Variants in MACROD2 observed in about 807,000 individuals in gnomAD.
MACROD2 encodes the protein ADP-ribose glycohydrolase MACROD2.
In MACROD2, 36 loss-of-function variants were observed where a neutral mutation model predicts 70.4. The observed-to-expected ratio is 0.51, with a 90% confidence interval of 0.39 to 0.68. MACROD2 has a LOEUF of 0.68. MACROD2 is among the 30% of genes least tolerant of loss of function. The pLI, the probability that MACROD2 is intolerant of heterozygous loss-of-function variation, is 0.00. For missense variants in MACROD2, 496 were observed against 538.4 expected (o/e 0.92, Z 0.78); for synonymous variants, 172 against 178.8 (o/e 0.96, Z 0.30).
intron 3 of MACROD2, among the ~76,000 whole-genome samples, chr20:14,338,244 G>T (rs543185001): frequency 6.6e-6 from 1 of 152,138 alleles, no homozygotes; most frequent in Non-Finnish European, 1.5e-5. Flanking sequence ...CTGGGCGCCC[G>T]TAATCCCAGC....
At chr20:14,277,145 T>C (rs1370985133) in intron 3 of MACROD2, among the ~76,000 whole-genome samples, 1 of 151,152 alleles carries the variant, frequency 6.6e-6, no homozygotes, top group Non-Finnish European at 1.5e-5. Flanking sequence ...CTACTAAAAA[T>C]ACAAAAAAAA....
At chr20:16,009,784 T>C (rs1057408512) in intron 15 of MACROD2, among the ~76,000 whole-genome samples, 2 of 151,828 alleles carry the variant, frequency 1.3e-5, no homozygotes, top group Non-Finnish European at 2.9e-5. Context: ...AAAAGCATAA[T>C]ATGGAGCAGG....
At chr20:14,283,536 A>G (rs1251718130) in intron 3 of MACROD2, among the ~76,000 whole-genome samples, 1 of 152,228 alleles carries the variant, frequency 6.6e-6, no homozygotes, top group Non-Finnish European at 1.5e-5. Context: ...CAATAGTTAT[A>G]AGAAGATATG....
intron 5 of MACROD2, among the ~76,000 whole-genome samples, chr20:15,193,757 A>G (rs1205750954): frequency 1.3e-5 from 2 of 151,676 alleles, no homozygotes; most frequent in African/African-American, 2.4e-5. Flanking sequence ...TCACTCCTTC[A>G]TTCTCCTACT....
chr20:14,299,604 T>G (rs1337776874), intron 3 of MACROD2, among the ~76,000 whole-genome samples: 1 of 152,198 alleles, frequency 6.6e-6, no homozygotes, highest in Non-Finnish European at 1.5e-5. Flanking sequence ...TTGAGAGGAC[T>G]TTTGGTGGTC....
intron 3 of MACROD2, among the ~76,000 whole-genome samples, chr20:14,308,866 G>A (rs2082542405): frequency 6.6e-6 from 1 of 152,120 alleles, no homozygotes; most frequent in South Asian, 2.1e-4. Context: ...TGGGCAACTG[G>A]AGATGGAAAG....
chr20:14,932,444 A>T (rs1160011446), intron 5 of MACROD2, among the ~76,000 whole-genome samples: 1 of 152,170 alleles, frequency 6.6e-6, no homozygotes, highest in African/African-American at 2.4e-5. Flanking sequence ...GCATCACAAA[A>T]AAACCTGTTA....
At chr20:14,972,010 T>C (rs115961899) in intron 5 of MACROD2, among the ~76,000 whole-genome samples, 4,578 of 152,264 alleles carry the variant, frequency 0.03, 234 homozygotes, top group African/African-American at 0.1. Context: ...GAAAAGAAAA[T>C]GATTTGGGGG....
chr20:14,556,400 G>C (rs1979033197), intron 4 of MACROD2, among the ~76,000 whole-genome samples: 1 of 152,030 alleles, frequency 6.6e-6, no homozygotes, highest in South Asian at 2.1e-4. Flanking sequence ...TGTGTTATCT[G>C]TCATATATCC....
At chr20:14,415,839 G>C (rs1252106488) in intron 3 of MACROD2, among the ~76,000 whole-genome samples, 2 of 152,130 alleles carry the variant, frequency 1.3e-5, no homozygotes, top group Admixed American at 1.3e-4. Context: ...TTAATTACAT[G>C]ATTAAAATAC....
At chr20:14,884,401 A>C (rs1479642153) in intron 5 of MACROD2, 1 of 152,314 alleles carries the variant, frequency 6.6e-6, no homozygotes, top group Admixed American at 6.6e-5. Flanking sequence ...TATCTTACCA[A>C]CATGGCTGGT....
intron 3 of MACROD2, among the ~76,000 whole-genome samples, chr20:14,467,793 G>A (rs533484122): frequency 6.6e-6 from 1 of 152,218 alleles, no homozygotes; most frequent in Admixed American, 6.5e-5. Flanking sequence ...GTGTCCCAAG[G>A]ATTCTGGTAC....
intron 3 of MACROD2, among the ~76,000 whole-genome samples, chr20:14,238,069 A>G (rs1038138937): frequency 4.6e-5 from 7 of 152,128 alleles, no homozygotes; most frequent in African/African-American, 1.7e-4. Flanking sequence ...CAGTAATGGG[A>G]TGGCTGGGTC....
intron 5 of MACROD2, among the ~76,000 whole-genome samples, chr20:15,136,685 T>C (rs1176859039): frequency 4.2e-4 from 64 of 151,820 alleles, no homozygotes; most frequent in African/African-American, 1.5e-3. Context: ...CCAAAAGCAA[T>C]GGCAACAAAA....
intron 5 of MACROD2, among the ~76,000 whole-genome samples, chr20:14,720,571 G>T (rs6079539): frequency 1.2e-4 from 2 of 16,198 alleles, no homozygotes; most frequent in African/African-American, 6.3e-4. Context: ...TTTTTTTTTT[G>T]TGAGGCAGAG....
At chr20:15,763,806 T>G (rs1325055402) in intron 8 of MACROD2, among the ~76,000 whole-genome samples, 1 of 152,242 alleles carries the variant, frequency 6.6e-6, no homozygotes, top group African/African-American at 2.4e-5. Flanking sequence ...GCTGTGTAGT[T>G]TCATGGCTAA....
chr20:15,341,130 C>G (rs375728406), intron 6 of MACROD2, among the ~76,000 whole-genome samples: 50 of 152,230 alleles, frequency 3.3e-4, no homozygotes, highest in African/African-American at 1.2e-3. Flanking sequence ...TTTCACAAAG[C>G]ACGTCCTGCA....
chr20:14,191,950 T>A (rs1007476526), intron 3 of MACROD2, among the ~76,000 whole-genome samples: 1 of 126,766 alleles, frequency 7.9e-6, no homozygotes, highest in East Asian at 2.3e-4. Flanking sequence ...CTTACCTTTT[T>A]AAAATACTGT....
intron 5 of MACROD2, among the ~76,000 whole-genome samples, chr20:14,887,399 G>GT (rs11476428): frequency 2.9e-4 from 42 of 144,702 alleles, no homozygotes; most frequent in Admixed American, 5.4e-4. Flanking sequence ...AGCTTTTTTT[G>GT]TTTTTTTTTT....
Sources: allele counts gnomAD v4.1 joint callset (sites outside exome capture counted in the v4.1 genomes callset), GRCh38; gene constraint gnomAD v4.1.1; transcripts MANE v1.5; gene names NCBI Gene and HGNC (gene_info 2026-07-23, HGNC 2026-07-21).